CFI: variants seen among roughly 807,000 people sequenced by gnomAD.
CFI encodes C3B/C4B inactivator.
CFI carries 66 observed loss-of-function variants against 78.8 expected under a neutral mutation model. That is an observed-to-expected ratio of 0.84 (90% CI 0.69 to 1.03). CFI has a LOEUF of 1.03. Ranked by LOEUF, CFI falls within the 50% of genes least tolerant of loss-of-function variation. CFI has a pLI of 0.00. For missense variants in CFI, 706 were observed against 704.5 expected (o/e 1.00, Z -0.02); for synonymous variants, 250 against 232.6 (o/e 1.07, Z -0.68).
chr4:109,757,972 AC>A, intron 6 of CFI, 189 bp from the exon 7 acceptor site: 1 of 1,460,042 alleles, frequency 6.8e-7, no homozygotes, highest in Non-Finnish European at 9.1e-7. Context: ...AAAACAAAAA[AC>A]AAAAAACTCA....
chr4:109,732,381 C>T, the CFI span, among the ~76,000 whole-genome samples: 2 of 152,184 alleles, frequency 1.3e-5, no homozygotes, highest in Non-Finnish European at 2.9e-5. Flanking sequence ...TTTATTTTCA[C>T]ATTCTTTTCA....
intron 2 of CFI, among the ~76,000 whole-genome samples, chr4:109,765,473 A>C (rs1158788907): frequency 6.6e-6 from 1 of 152,182 alleles, no homozygotes; most frequent in East Asian, 1.9e-4. Flanking sequence ...TTTAATTTTC[A>C]CAAGAATTGT....
At chr4:109,731,508 G>T in the CFI span, among the ~76,000 whole-genome samples, 1 of 152,186 alleles carries the variant, frequency 6.6e-6, no homozygotes, top group African/African-American at 2.4e-5. Flanking sequence ...TTTATTGAGT[G>T]CTTACTATGT....
chr4:109,743,410 G>A (rs936300979), intron 11 of CFI, among the ~76,000 whole-genome samples: 25 of 152,258 alleles, frequency 1.6e-4, no homozygotes, highest in African/African-American at 5.1e-4. Context: ...GCTCTCCGAC[G>A]GTAGCTGAGG....
intron 1 of CFI, among the ~76,000 whole-genome samples, chr4:109,771,646 G>A (rs1728610170): frequency 6.8e-6 from 1 of 147,608 alleles, no homozygotes; most frequent in South Asian, 2.2e-4. Flanking sequence ...CCAAGGAGGT[G>A]GAGGTTGCAG....
chr4:109,775,459 C>T (rs1221303163), intron 1 of CFI, among the ~76,000 whole-genome samples: 2 of 152,200 alleles, frequency 1.3e-5, no homozygotes, highest in Non-Finnish European at 2.9e-5. Context: ...GGAGGGGCGT[C>T]TGCCATTGCT....
chr4:109,779,842 C>T (rs1729763025), intron 1 of CFI, among the ~76,000 whole-genome samples: 1 of 152,092 alleles, frequency 6.6e-6, no homozygotes, highest in African/African-American at 2.4e-5. Context: ...CATCAACAAC[C>T]ATCTGATCTT....
intron 4 of CFI, 138 bp from the exon 5 acceptor site, chr4:109,760,774 A>T (rs1350843708): frequency 1.5e-6 from 1 of 680,628 alleles, no homozygotes; most frequent in Non-Finnish European, 2.7e-6. Context: ...GGTATTATCA[A>T]CATAGTACAT....
In CFI at chr4:109,761,551, A is replaced by G; in HGVS notation, c.624T>C (p.Asp208=). The G allele has an allele frequency of 3.1e-6, 5 of 1,614,144 alleles. No homozygotes were observed. The highest frequency in any genetic ancestry group is 4.2e-6 in the Non-Finnish European group (5 of 1,180,016). ...GTGTATAACAAACCACATCAGCGAAATCCTGGTAACCCATAGTTCTTCTCT... is the reference window on the plus strand; with the variant it reads ...GTGTATAACAAACCACATCAGCGAAGTCCTGGTAACCCATAGTTCTTCTCT... ...FTKRRTMGYQ[D]FADVVCYTQK... is the part of the protein sequence containing the mutation. Residue 208 remains aspartate (D), a synonymous_variant, in exon 4 of 13, where the codon GAT becomes GAC. Coordinates refer to ENST00000394634, the MANE Select transcript of CFI (RefSeq NM_000204.5).
At chr4:109,765,084 T>G (rs1247851685) in intron 2 of CFI, among the ~76,000 whole-genome samples, 1 of 152,048 alleles carries the variant, frequency 6.6e-6, no homozygotes, top group African/African-American at 2.4e-5. Context: ...GTAGAAAGGG[T>G]TTATGTATTC....
chr4:109,796,751 T>G (rs1464088641), intron 1 of CFI, among the ~76,000 whole-genome samples: 2 of 152,236 alleles, frequency 1.3e-5, no homozygotes, highest in African/African-American at 4.8e-5. Context: ...TGGGCTATAA[T>G]TTGCCATTGC....
Position 109,780,071 on chromosome 4 carries a change from G to T in CFI, c.58-13247C>A, listed in dbSNP as rs1373005525. On this transcript the variant is annotated intron_variant, in intron 1 of 12. Coordinates refer to ENST00000394634, the MANE Select transcript of CFI (RefSeq NM_000204.5). ...AAGAAAACGCAGGCAACACCATTCA[G>T]GCCATAGGCATGGGCAAGGACTTCA... Among the ~76,000 whole-genome samples the T allele has an allele frequency of 1.3e-5, 2 of 152,230 alleles. 1 individual carries two copies. Among genetic ancestry groups the T allele is most frequent in the Non-Finnish European group, 2.9e-5 (2 of 68,028 alleles).
chr4:109,771,564 AT>A (rs1161126049), intron 1 of CFI, among the ~76,000 whole-genome samples: 1 of 150,968 alleles, frequency 6.6e-6, no homozygotes, highest in African/African-American at 2.4e-5. Flanking sequence ...AAAAAAAAAA[AT>A]TAGCCGGGCG....
intron 1 of CFI, among the ~76,000 whole-genome samples, chr4:109,787,915 CA>C (rs1310208929): frequency 1.3e-5 from 2 of 151,918 alleles, no homozygotes; most frequent in African/African-American, 2.4e-5. Context: ...ATTGTTCAAA[CA>C]GGTTCAAAAA....
At chr4:109,789,451 A>G (rs1168918584) in intron 1 of CFI, among the ~76,000 whole-genome samples, 4 of 152,056 alleles carry the variant, frequency 2.6e-5, no homozygotes, top group Non-Finnish European at 5.9e-5. Context: ...GACACTATGT[A>G]CAGAGAAACG....
chr4:109,757,808 T>G, intron 6 of CFI, 25 bp from the exon 7 acceptor site: 2 of 1,370,744 alleles, frequency 1.5e-6, no homozygotes, highest in Non-Finnish European at 2.0e-6. Flanking sequence ...AACAAAAAAT[T>G]TATCAAAGGA....
intron 1 of CFI, among the ~76,000 whole-genome samples, chr4:109,779,698 A>G (rs1457465333): frequency 2.0e-5 from 3 of 152,214 alleles, no homozygotes; most frequent in Admixed American, 6.5e-5. Flanking sequence ...CCAAAAGAAG[A>G]AAGCTGGAGG....
At chr4:109,753,122 T>A (rs1326856307) in intron 7 of CFI, among the ~76,000 whole-genome samples, 9 of 105,056 alleles carry the variant, frequency 8.6e-5, no homozygotes, top group African/African-American at 3.7e-4. Flanking sequence ...TATATATTTA[T>A]TATATAAATA....
intron 1 of CFI, among the ~76,000 whole-genome samples, chr4:109,783,119 CAAGG>C (rs1344151535): frequency 6.6e-6 from 1 of 152,088 alleles, no homozygotes; most frequent in Non-Finnish European, 1.5e-5. Context: ...TAGGCTTAGG[CAAGG>C]ATTTCATGAC....
Sources: allele counts gnomAD v4.1 joint callset (sites outside exome capture counted in the v4.1 genomes callset), GRCh38; gene constraint gnomAD v4.1.1; transcripts MANE v1.5; gene names NCBI Gene and HGNC (gene_info 2026-07-23, HGNC 2026-07-21).